The following RAD54B variants were observed in gnomAD, a reference collection of about 807,000 sequenced individuals.
RAD54B encodes DNA repair and recombination protein RAD54B.
Under a neutral mutation model 95.8 loss-of-function variants are expected in RAD54B, and 78 were observed. The ratio of observed to expected loss-of-function variants is 0.81; its 90% CI spans 0.68 to 0.98. The LOEUF is 0.98. RAD54B is among the 50% of genes least tolerant of loss of function. The probability of loss-of-function intolerance (pLI) is 0.00; values close to 1 mark genes in which losing one functional copy is unlikely to be tolerated. For missense variants in RAD54B, 957 were observed against 1,056.6 expected (o/e 0.91, Z 1.31); for synonymous variants, 328 against 354.9 (o/e 0.92, Z 0.85).
At chr8:94,449,170 T>C in intron 3 of RAD54B, among the ~76,000 whole-genome samples, 1 of 151,606 alleles carries the variant, frequency 6.6e-6, no homozygotes, top group Non-Finnish European at 1.5e-5. Flanking sequence ...ATATTAGGTC[T>C]TATACCACAC....
intron 12 of RAD54B, among the ~76,000 whole-genome samples, chr8:94,379,566 GC>G (rs777517697): frequency 1.3e-5 from 2 of 152,102 alleles, no homozygotes; most frequent in Non-Finnish European, 1.5e-5. Context: ...TGTGAGTATA[GC>G]TGCTTTTCTC....
intron 3 of RAD54B, chr8:94,436,654 T>C: frequency 6.4e-7 from 1 of 1,550,572 alleles, no homozygotes; most frequent in East Asian, 2.4e-5. Flanking sequence ...GAGCCTTTTA[T>C]AAAGGGTGCG....
chr8:94,403,084 T>C (rs780803356), intron 6 of RAD54B, among the ~76,000 whole-genome samples: 1 of 152,204 alleles, frequency 6.6e-6, no homozygotes, highest in African/African-American at 2.4e-5. Context: ...TTCCCTTAAC[T>C]TGTCATCATT....
At chr8:94,378,683 C>G (rs553190806) in intron 12 of RAD54B, 49 bp from the exon 13 acceptor site, 1 of 1,260,632 alleles carries the variant, frequency 7.9e-7, no homozygotes, top group South Asian at 1.3e-5. Flanking sequence ...AACTAATGGC[C>G]CCTTCCACAC....
At chr8:94,473,052 A>C (rs1474501928) in intron 1 of RAD54B, among the ~76,000 whole-genome samples, 2 of 152,082 alleles carry the variant, frequency 1.3e-5, no homozygotes, top group South Asian at 2.1e-4. Flanking sequence ...TTGTTGATAC[A>C]AAGTAAAATG....
At position 94,378,484 on chromosome 8, in the gene RAD54B, T is replaced by TC. The variant is rs1370040373; in HGVS notation, c.2314+83dup. ...ACTAGTTAATAAAATAACAATATAT[T>TC]CCTGACACTGAAGCACAGGCTAACA... On this transcript the variant is annotated intron_variant, in intron 13 of 14. Coordinates refer to ENST00000336148, the MANE Select transcript of RAD54B (RefSeq NM_012415.3). 7 of 1,434,934 alleles carry TC rather than the reference T, an allele frequency of 4.9e-6. No homozygotes were observed. The African/African-American group carries it at 8.7e-5, about 18-fold the overall frequency. The allele number at this position is 1,434,934 out of a possible 1,614,324, so 88.9% of individuals were successfully genotyped here.
At chr8:94,417,334 C>T (rs1811698479) in intron 3 of RAD54B, among the ~76,000 whole-genome samples, 2 of 152,040 alleles carry the variant, frequency 1.3e-5, no homozygotes, top group African/African-American at 2.4e-5. Context: ...GATGGTTGCA[C>T]ATTAACTGTG....
At chr8:94,426,900 G>C (rs935925666) in intron 3 of RAD54B, among the ~76,000 whole-genome samples, 3 of 152,136 alleles carry the variant, frequency 2.0e-5, no homozygotes, top group African/African-American at 7.2e-5. Context: ...TACTCATGCT[G>C]AAGTACTTAA....
intron 5 of RAD54B, 48 bp downstream of exon 5, chr8:94,407,391 C>A: frequency 6.6e-7 from 1 of 1,523,346 alleles, no homozygotes; most frequent in South Asian, 1.3e-5. Context: ...ACACAAAAAA[C>A]ATTTTGACAG....
At chr8:94,455,165 T>A (rs1812752136) in intron 3 of RAD54B, among the ~76,000 whole-genome samples, 1 of 152,186 alleles carries the variant, frequency 6.6e-6, no homozygotes, top group Admixed American at 6.5e-5. Context: ...TCATCACATA[T>A]CCATTACAGC....
chr8:94,462,109 T>C (rs1245522367), intron 2 of RAD54B, among the ~76,000 whole-genome samples: 4 of 152,188 alleles, frequency 2.6e-5, no homozygotes. Context: ...TCTGGATTTG[T>C]CTGATGTTTC....
intron 3 of RAD54B, among the ~76,000 whole-genome samples, chr8:94,420,731 T>G (rs1811786257): frequency 6.6e-6 from 1 of 152,024 alleles, no homozygotes. Context: ...AGGCCTGTAA[T>G]CCCAGCACTT....
intron 1 of RAD54B, 110 bp downstream of exon 1, chr8:94,474,891 G>GC (rs1202089007): frequency 1.3e-5 from 2 of 152,548 alleles, no homozygotes; most frequent in Non-Finnish European, 2.9e-5. Flanking sequence ...CGCTCCTGCC[G>GC]CCTTCCCTCC....
At chr8:94,410,958 C>A (rs528694736) in intron 4 of RAD54B, among the ~76,000 whole-genome samples, 163 bp downstream of exon 4, 24 of 152,116 alleles carry the variant, frequency 1.6e-4, no homozygotes, top group Admixed American at 3.9e-4. Flanking sequence ...GGCTCACTAA[C>A]CATTATGAGA....
rs576089355 is a variant in RAD54B at position 94,427,390 on chromosome 8, T to C, written c.305-16075A>G. On this transcript the variant is annotated intron_variant, in intron 3 of 14. Transcript: ENST00000336148. ...TATTGAACAATTTCTCAAAATCGTA[T>C]ACAAAGATTTTGCTTGACTGTTAAT... Among the ~76,000 whole-genome samples, 43 of 152,174 alleles carry C rather than the reference T, an allele frequency of 2.8e-4. No individual in the cohort carries two copies. The South Asian group carries it at 5.2e-3, about 18-fold the overall frequency.
Position 94,400,316 on chromosome 8 carries a change from T to C in RAD54B, c.1092A>G (p.Gly364=). The part of the protein sequence containing the change: ...VIKKTLIVTP[G]SLVNNWKKEF... ...CTTTCTTCCAATTATTCACCAAGCT[T>C]CCAGGTGTGACAATTAGTGTCTTCT... is the stretch of plus-strand genomic sequence containing the variant. Residue 364 remains glycine, a synonymous_variant, in exon 7 of 15, where the codon GGA becomes GGG. Coordinates refer to ENST00000336148, the MANE Select transcript of RAD54B (RefSeq NM_012415.3). The C allele has an allele frequency of 6.2e-7, 1 of 1,613,902 alleles. No homozygotes were observed. Among genetic ancestry groups the C allele is most frequent in the Non-Finnish European group, 8.5e-7 (1 of 1,179,884 alleles).
intron 3 of RAD54B, among the ~76,000 whole-genome samples, chr8:94,439,373 A>G (rs1179113435): frequency 6.6e-6 from 1 of 152,234 alleles, no homozygotes; most frequent in Non-Finnish European, 1.5e-5. Flanking sequence ...AAAAGCATAC[A>G]ATACATCCAT....
intron 3 of RAD54B, among the ~76,000 whole-genome samples, chr8:94,421,793 A>G (rs1300391222): frequency 1.3e-5 from 2 of 151,878 alleles, no homozygotes; most frequent in Non-Finnish European, 2.9e-5. Flanking sequence ...ACTTTTTTCA[A>G]CTCATCTCTG....
chr8:94,413,280 G>T (rs1462518766), intron 3 of RAD54B, among the ~76,000 whole-genome samples: 1 of 152,154 alleles, frequency 6.6e-6, no homozygotes, highest in East Asian at 1.9e-4. Flanking sequence ...GAACAAAGTT[G>T]GATGTTTACA....
Sources: allele counts gnomAD v4.1 joint callset (sites outside exome capture counted in the v4.1 genomes callset), GRCh38; gene constraint gnomAD v4.1.1; transcripts MANE v1.5; gene names NCBI Gene and HGNC (gene_info 2026-07-23, HGNC 2026-07-21).